PODXL2: variants seen among roughly 807,000 people sequenced by gnomAD.
PODXL2 encodes podocalyxin-like protein 2.
In PODXL2, 17 loss-of-function variants were observed where a neutral mutation model predicts 53.4. That is an observed-to-expected ratio of 0.32 (90% CI 0.22 to 0.48). The LOEUF is 0.48. Among genes scored for constraint, PODXL2 ranks in the 20% least tolerant of loss-of-function variants. The pLI, the probability that PODXL2 is intolerant of heterozygous loss-of-function variation, is 0.99. For synonymous variants in PODXL2, 311 were observed against 306.7 expected (o/e 1.01, Z -0.15); for missense variants, 673 against 760.0 (o/e 0.89, Z 1.35).
Position 127,644,725 on chromosome 3 carries a change from C to T in PODXL2, c.349+5202C>T, listed in dbSNP as rs188045728. ...ACCGGCTATGCATAGGCCTTTGCCTCGATTGTCTCTAGTCCTCACCACAGC... is the reference window on the plus strand; with the variant it reads ...ACCGGCTATGCATAGGCCTTTGCCTTGATTGTCTCTAGTCCTCACCACAGC... On this transcript the variant is annotated intron_variant, in intron 2 of 7. Coordinates refer to ENST00000342480, the MANE Select transcript of PODXL2 (RefSeq NM_015720.4). Among the ~76,000 whole-genome samples the T allele has an allele frequency of 1.4e-3, 210 of 152,316 alleles. 2 individuals are homozygous for T. Among genetic ancestry groups the T allele is most frequent in the Non-Finnish European group, 8.5e-4 (58 of 68,028 alleles).
chr3:127,647,620 C>T (rs2074664535), intron 2 of PODXL2, among the ~76,000 whole-genome samples: 1 of 152,226 alleles, frequency 6.6e-6, no homozygotes, highest in African/African-American at 2.4e-5. Flanking sequence ...GGCGTGCCGC[C>T]CTCAACGTGC....
intron 2 of PODXL2, among the ~76,000 whole-genome samples, chr3:127,657,225 G>C (rs982159847): frequency 1.4e-4 from 22 of 152,152 alleles, no homozygotes; most frequent in Admixed American, 1.0e-3. Flanking sequence ...TGCTCTCTCT[G>C]ACTTTTGGAA....
chr3:127,669,296 T>G, intron 6 of PODXL2, 94 bp downstream of exon 6: 2 of 847,944 alleles, frequency 2.4e-6, no homozygotes, highest in South Asian at 3.0e-5. Context: ...CATCGTGAGG[T>G]TCAAAGGAGT....
At chr3:127,665,540 C>T (rs57373423) in intron 4 of PODXL2, among the ~76,000 whole-genome samples, 115 of 152,292 alleles carry the variant, frequency 7.6e-4, no homozygotes, top group African/African-American at 2.7e-3. Flanking sequence ...AAAGATAAAA[C>T]AGGAAATCCA....
intron 1 of PODXL2, among the ~76,000 whole-genome samples, chr3:127,636,388 AG>A (rs2074578802): frequency 6.6e-6 from 1 of 152,224 alleles, no homozygotes; most frequent in African/African-American, 2.4e-5. Flanking sequence ...AGAGTGGAAG[AG>A]GTCATGGGAA....
intron 1 of PODXL2, among the ~76,000 whole-genome samples, chr3:127,637,329 C>T (rs1200481065): frequency 1.3e-5 from 2 of 152,154 alleles, no homozygotes; most frequent in African/African-American, 2.4e-5. Flanking sequence ...TTCACATCAA[C>T]CTTTTGTTTT....
chr3:127,633,472 T>TTGTGTG (rs60042269), intron 1 of PODXL2, among the ~76,000 whole-genome samples: 3 of 140,798 alleles, frequency 2.1e-5, no homozygotes, highest in Non-Finnish European at 3.1e-5. Context: ...ATTACAAATT[T>TTGTGTG]TGTGTGTGTG....
Position 127,672,490 on chromosome 3 carries a change from AGGCGCAGGCC to A in PODXL2, c.*12_*21del. On this transcript the variant is annotated 3_prime_UTR_variant, in exon 8 of 8. Transcript: ENST00000342480. ...GGACACGCACCTGTGAGCGCAGCCG[AGGCGCAGGCC>A]GAGTGGGCCGCCAGGACCAAGCGAG... 6.1e-6 allele frequency: 9 copies of A among 1,471,014 alleles called. No individual in the cohort carries two copies. The highest frequency in any genetic ancestry group is 6.3e-6 in the Non-Finnish European group (7 of 1,109,956). 91.1% of individuals were successfully genotyped at this position (1,471,014 alleles called of 1,614,324 possible).
intron 1 of PODXL2, among the ~76,000 whole-genome samples, chr3:127,633,534 A>T (rs1358627890): frequency 1.3e-5 from 2 of 151,236 alleles, no homozygotes; most frequent in Admixed American, 1.3e-4. Context: ...CTCCTCTATT[A>T]ACTAGCTGTT....
rs200281996 is a variant in PODXL2, at chr3:127,660,520, A to AGAAGAG, written c.507_512dup (p.Glu171_Glu172dup). ...GGCATATGCCTCCCAGAGAGGAGGA[A>AGAAGAG]GAAGAGGAAGAGGAAGAGGAGGAGA... On this transcript the variant is annotated inframe_insertion, in exon 3 of 8. Transcript: ENST00000342480. The AGAAGAG allele has an allele frequency of 2.5e-6, 4 of 1,613,844 alleles. No homozygotes were observed. Among genetic ancestry groups the AGAAGAG allele is most frequent in the Non-Finnish European group, 3.4e-6 (4 of 1,179,866 alleles).
intron 2 of PODXL2, among the ~76,000 whole-genome samples, chr3:127,658,599 T>A (rs1339521240): frequency 1.3e-5 from 2 of 152,184 alleles, no homozygotes; most frequent in Non-Finnish European, 1.5e-5. Context: ...AGTGCATTTT[T>A]AAATTCTTCC....
intron 2 of PODXL2, among the ~76,000 whole-genome samples, chr3:127,656,625 C>G (rs2074725917): frequency 6.7e-6 from 1 of 149,790 alleles, no homozygotes; most frequent in Non-Finnish European, 1.5e-5. Flanking sequence ...GTCCCAGCTA[C>G]TCAGGAGGCT....
At chr3:127,644,587 C>G (rs2074641869) in intron 2 of PODXL2, among the ~76,000 whole-genome samples, 1 of 152,168 alleles carries the variant, frequency 6.6e-6, no homozygotes, top group Non-Finnish European at 1.5e-5. Flanking sequence ...TGTTGTCCTC[C>G]CCCCTCCCCA....
chr3:127,666,065 T>C, intron 4 of PODXL2: 1 of 340,422 alleles, frequency 2.9e-6, no homozygotes. Flanking sequence ...ATATCATGTA[T>C]AATGCATGTA....
At position 127,672,540 on chromosome 3, in the gene PODXL2, G is replaced by A; in HGVS notation, c.*60G>A. Reference sequence around the variant, plus strand: ...GACCAAGCGAGGTGGACCCCGAAACGGACGGCCCGGAGCCCGCACCAGCCC... The same window carrying A: ...GACCAAGCGAGGTGGACCCCGAAACAGACGGCCCGGAGCCCGCACCAGCCC... On this transcript the variant is annotated 3_prime_UTR_variant, in exon 8 of 8. Coordinates refer to ENST00000342480, the MANE Select transcript of PODXL2 (RefSeq NM_015720.4). 1 of 1,130,876 alleles carries A rather than the reference G, an allele frequency of 8.8e-7. No homozygotes were observed. The highest frequency in any genetic ancestry group is 1.2e-6 in the Non-Finnish European group (1 of 834,494). 70.1% of individuals were successfully genotyped at this position (1,130,876 alleles called of 1,614,324 possible).
rs759288912 is a variant in PODXL2, at chr3:127,671,611, G to T, written c.1603G>T (p.Val535Leu). 2.5e-6 allele frequency: 4 copies of T among 1,612,704 alleles called. No homozygotes were observed. The South Asian group carries it at 3.3e-5, about 13-fold the overall frequency. Residue 535 changes from valine (V) to leucine (L), a missense_variant and splice_region_variant, in exon 7 of 8, where the codon GTG becomes TTG. Coordinates refer to ENST00000342480, the MANE Select transcript of PODXL2 (RefSeq NM_015720.4). Reference protein sequence around the residue: ...WQRRLPKLKHVSHGEELRFVE... With the variant: ...WQRRLPKLKHLSHGEELRFVE... ...GCGCCGGCTGCCCAAGCTCAAGCAC[G>T]TGGTGAGTGTGGGGACAGGTGGGGC...
intron 5 of PODXL2, 129 bp downstream of exon 5, chr3:127,668,726 A>G (rs2074811924): frequency 1.1e-6 from 1 of 941,542 alleles, no homozygotes; most frequent in East Asian, 3.0e-5. Context: ...AGTTTGAGCT[A>G]CTTAGCTTAG....
In PODXL2 at chr3:127,662,269, G is replaced by A; in HGVS notation, c.1164G>A (p.Gly388=). The A allele has an allele frequency of 1.2e-6, 2 of 1,614,128 alleles. No individual in the cohort carries two copies. The highest frequency in any genetic ancestry group is 3.3e-5 in the Admixed American group (2 of 60,030). ...GCAAGGACTGGAGCAATCTGGCTGG[G>A]AAAAACTACATCATTCTGAACATGA... ...VICKDWSNLA[G]KNYIILNMTE... is the part of the protein sequence containing the mutation. The change falls in exon 4 of 8, where the codon GGG becomes GGA. Residue 388 remains glycine (G), a synonymous_variant. Coordinates refer to ENST00000342480, the MANE Select transcript of PODXL2 (RefSeq NM_015720.4).
At chr3:127,636,274 C>T (rs1341400295) in intron 1 of PODXL2, among the ~76,000 whole-genome samples, 1 of 152,204 alleles carries the variant, frequency 6.6e-6, no homozygotes, top group Non-Finnish European at 1.5e-5. Flanking sequence ...CTGTTTCTTT[C>T]CCATCTACCT....
Sources: gnomAD v4.1 joint callset for allele counts (sites outside exome capture counted in the v4.1 genomes callset) on GRCh38, gnomAD v4.1.1 for gene constraint, MANE v1.5 for transcripts, NCBI Gene and HGNC (gene_info 2026-07-23, HGNC 2026-07-21) for gene names.